Variants in ECRG4 observed in about 807,000 individuals in gnomAD.
The protein encoded by ECRG4 is ECRG4 augurin precursor, also known as augurin.
A neutral mutation model predicts 15.8 loss-of-function variants in ECRG4; 18 were observed. That is an observed-to-expected ratio of 1.14 (90% CI 0.79 to 1.69). ECRG4 has a LOEUF of 1.69. Ranked by LOEUF, ECRG4 falls within the 40% of genes most tolerant of loss-of-function variation. The pLI is 0.00. For synonymous variants in ECRG4, 82 were observed against 73.9 expected (o/e 1.11, Z -0.56); for missense variants, 200 against 190.9 (o/e 1.05, Z -0.28).
chr2:106,065,806 C>T lies in ECRG4; in HGVS notation c.42C>T (p.Thr14=). ...SPARPAVLAL[T]GLALLLLLCW... Reference sequence around the variant, plus strand: ...CGCGGCCTGCTGTCCTGGCCCTGACCGGGCTGGCGCTGCTCCTGCTCCTGT... The same window carrying T: ...CGCGGCCTGCTGTCCTGGCCCTGACTGGGCTGGCGCTGCTCCTGCTCCTGT... The change falls in exon 1 of 4, where the codon ACC becomes ACT. Residue 14 remains threonine, a synonymous_variant. Coordinates refer to ENST00000238044, the MANE Select transcript of ECRG4 (RefSeq NM_032411.3). The T allele has an allele frequency of 6.7e-7, 1 of 1,485,074 alleles. No homozygotes were observed. The highest frequency in any genetic ancestry group is 1.8e-4 in the Middle Eastern group (1 of 5,604). 92.0% of individuals were successfully genotyped at this position (1,485,074 alleles called of 1,614,324 possible). A position where few individuals can be genotyped will look rare whatever the true frequency, so the allele number is the denominator to read the frequency against.
chr2:106,071,949 C>A, intron 2 of ECRG4, 58 bp downstream of exon 2: 1 of 1,428,380 alleles, frequency 7.0e-7, no homozygotes, highest in Non-Finnish European at 9.9e-7. Flanking sequence ...AATGAAATGG[C>A]AATATGGATT....
intron 2 of ECRG4, 100 bp downstream of exon 2, chr2:106,071,991 A>G (rs751002956): frequency 1.3e-5 from 13 of 1,018,534 alleles, no homozygotes; most frequent in Non-Finnish European, 1.8e-5. Context: ...TTGGAAAATC[A>G]AAAGTGTTTA....
In ECRG4 at chr2:106,067,321, G is replaced by A. The variant is rs191538225; in HGVS notation, c.79+1478G>A. 2.0e-4 allele frequency among the ~76,000 whole-genome samples: 31 copies of A among 152,032 alleles called. No homozygotes were observed. The East Asian group carries it at 4.7e-3, about 23-fold the overall frequency. ...ATAAAAAAAGAAATAAATAAAAGAA[G>A]AAGAAGAAAAAAGCACATCTGAATA... On this transcript the variant is annotated intron_variant, in intron 1 of 3. Coordinates refer to ENST00000238044, the MANE Select transcript of ECRG4 (RefSeq NM_032411.3).
upstream of ECRG4, chr2:106,063,379 G>C (rs1676141982): frequency 6.6e-6 from 1 of 152,164 alleles, no homozygotes; most frequent in African/African-American, 2.4e-5. Flanking sequence ...CCCAGCTTAT[G>C]GGATTTTGTT....
At chr2:106,074,563 G>A (rs1326321933) in intron 3 of ECRG4, among the ~76,000 whole-genome samples, 2 of 152,176 alleles carry the variant, frequency 1.3e-5, no homozygotes, top group East Asian at 1.9e-4. Flanking sequence ...CAGTTCATGC[G>A]CCTAGATGGC....
At chr2:106,074,339 C>A in intron 3 of ECRG4, 1 of 309,740 alleles carries the variant, frequency 3.2e-6, no homozygotes, top group East Asian at 5.5e-5. Context: ...ACCCTTTTAA[C>A]TTGGCTGAAC....
At chr2:106,066,650 G>A (rs150762935) in intron 1 of ECRG4, among the ~76,000 whole-genome samples, 5 of 152,336 alleles carry the variant, frequency 3.3e-5, no homozygotes, top group Admixed American at 2.6e-4. Context: ...TTACCTCAGA[G>A]TTACTGGTGT....
At chr2:106,075,455 C>T (rs1676465274) in intron 3 of ECRG4, among the ~76,000 whole-genome samples, 1 of 152,204 alleles carries the variant, frequency 6.6e-6, no homozygotes, top group South Asian at 2.1e-4. Context: ...GGCATGGTGG[C>T]TCATGCCTGT....
chr2:106,069,605 G>A (rs1676318507), intron 1 of ECRG4, among the ~76,000 whole-genome samples: 1 of 152,032 alleles, frequency 6.6e-6, no homozygotes, highest in Non-Finnish European at 1.5e-5. Context: ...AAAGTGCTGG[G>A]GTTACAGGTG....
At chr2:106,070,595 C>A (rs1038662281) in intron 1 of ECRG4, among the ~76,000 whole-genome samples, 5 of 152,190 alleles carry the variant, frequency 3.3e-5, no homozygotes, top group East Asian at 1.9e-4. Context: ...ACAGTAAATT[C>A]TTTGTGCAGA....
intron 3 of ECRG4, among the ~76,000 whole-genome samples, chr2:106,076,820 C>A (rs1334553849): frequency 6.6e-6 from 1 of 152,206 alleles, no homozygotes; most frequent in African/African-American, 2.4e-5. Context: ...ACCCCAATGG[C>A]ATGACCCGTT....
intron 3 of ECRG4, among the ~76,000 whole-genome samples, chr2:106,075,612 C>T (rs994137200): frequency 6.6e-6 from 1 of 152,056 alleles, no homozygotes; most frequent in African/African-American, 2.4e-5. Context: ...GTCTCAGCTA[C>T]TCAGGGGACT....
intron 1 of ECRG4, among the ~76,000 whole-genome samples, 163 bp from the exon 2 acceptor site, chr2:106,071,681 C>T (rs1676376120): frequency 6.6e-6 from 1 of 152,196 alleles, no homozygotes; most frequent in Non-Finnish European, 1.5e-5. Flanking sequence ...ATTGTTTGTC[C>T]TGCAGGACAG....
At chr2:106,070,875 C>A (rs1473380646) in intron 1 of ECRG4, 1 of 470,820 alleles carries the variant, frequency 2.1e-6, no homozygotes, top group Non-Finnish European at 4.4e-6. Context: ...GGGCCTGACT[C>A]CAGTTCCTTA....
rs573510498 is a variant in ECRG4, at chr2:106,077,780, A to G, written c.301A>G (p.Ile101Val). Residue 101 changes from isoleucine to valine, a missense_variant, in exon 4 of 4, where the codon ATC (isoleucine) becomes GTC (valine). Coordinates refer to ENST00000238044, the MANE Select transcript of ECRG4 (RefSeq NM_032411.3). ...TTTCCTCCAGAAATTTGAAGATGACATCACCTATTGGCTTAACAGAGATCG... is the reference window on the plus strand; with the variant it reads ...TTTCCTCCAGAAATTTGAAGATGACGTCACCTATTGGCTTAACAGAGATCG... ...GFDEAKFEDD[I>V]TYWLNRDRNG... 1.9e-6 allele frequency: 3 copies of G among 1,613,966 alleles called. No individual in the cohort carries two copies. The highest frequency in any genetic ancestry group is 4.5e-5 in the East Asian group (2 of 44,878).
intron 1 of ECRG4, among the ~76,000 whole-genome samples, chr2:106,068,212 AC>A (rs1676266790): frequency 6.6e-6 from 1 of 152,072 alleles, no homozygotes; most frequent in South Asian, 2.1e-4. Flanking sequence ...AATATTAAGC[AC>A]CTTCAAAGGA....
chr2:106,068,452 A>G (rs912957177), intron 1 of ECRG4, among the ~76,000 whole-genome samples: 2 of 152,216 alleles, frequency 1.3e-5, no homozygotes, highest in African/African-American at 4.8e-5. Context: ...AGTGTATAGT[A>G]CCTGGCACAG....
rs769515784 is a variant in ECRG4 at position 106,071,852 on chromosome 2, A to G, written c.88A>G (p.Ser30Gly). The change falls in exon 2 of 4, where the codon AGT becomes GGT. Residue 30 changes from serine to glycine, a missense_variant. Transcript: ENST00000238044. ...LLLCWGPGGI[S>G]GNKLKLMLQK... The stretch of plus-strand genomic sequence containing the variant: ...AATTTTCATTCCTTTAGGTGGCATA[A>G]GTGGAAATAAACTCAAGCTGATGCT... The G allele has an allele frequency of 6.2e-7, 1 of 1,613,664 alleles. No individual in the cohort carries two copies. The highest frequency in any genetic ancestry group is 1.1e-5 in the South Asian group (1 of 91,028).
chr2:106,071,661 G>A (rs992197508), intron 1 of ECRG4, among the ~76,000 whole-genome samples, 183 bp from the exon 2 acceptor site: 1 of 152,168 alleles, frequency 6.6e-6, no homozygotes, highest in Non-Finnish European at 1.5e-5. Context: ...ATTAGCCATG[G>A]GCAGCCTGAA....
Sources: gnomAD v4.1 joint callset for allele counts (sites outside exome capture counted in the v4.1 genomes callset) on GRCh38, gnomAD v4.1.1 for gene constraint, MANE v1.5 for transcripts, NCBI Gene and HGNC (gene_info 2026-07-23, HGNC 2026-07-21) for gene names.